KMT2E: variants seen among roughly 807,000 people sequenced by gnomAD.
KMT2E encodes the protein histone reader KMT2E.
Under a neutral mutation model 184.6 loss-of-function variants are expected in KMT2E, and 30 were observed. The ratio of observed to expected loss-of-function variants is 0.16; its 90% CI spans 0.12 to 0.22. The LOEUF (loss-of-function observed/expected upper bound fraction) is 0.22. Ranked by LOEUF, KMT2E falls within the 10% of genes least tolerant of loss-of-function variation. KMT2E has a pLI of 1.00. For missense variants in KMT2E, 2,023 were observed against 2,237.4 expected (o/e 0.90, Z 1.93); for synonymous variants, 815 against 776.5 (o/e 1.05, Z -0.82).
intron 9 of KMT2E, 113 bp downstream of exon 9, chr7:105,076,194 C>T (rs375375707): frequency 1.4e-6 from 1 of 727,280 alleles, no homozygotes. Context: ...CATGTCTTTG[C>T]CTATTATCTT....
At chr7:105,062,143 G>A in intron 3 of KMT2E, 21 bp from the exon 4 acceptor site, 1 of 1,448,260 alleles carries the variant, frequency 6.9e-7, no homozygotes. Flanking sequence ...AATTCTCTTT[G>A]ATGCAACTTT....
intron 6 of KMT2E, among the ~76,000 whole-genome samples, chr7:105,067,769 G>C (rs1177802037): frequency 6.6e-6 from 1 of 151,930 alleles, no homozygotes; most frequent in East Asian, 1.9e-4. Context: ...CCAGGAGTTC[G>C]AGACCAGCTT....
chr7:105,041,486 C>G (rs577919428), intron 3 of KMT2E, among the ~76,000 whole-genome samples: 215 of 152,326 alleles, frequency 1.4e-3, no homozygotes, highest in African/African-American at 5.0e-3. Context: ...ATTGCAACCT[C>G]TGCCTCCCGG....
At chr7:105,059,995 T>TTG (rs1796743980) in intron 3 of KMT2E, among the ~76,000 whole-genome samples, 1 of 121,398 alleles carries the variant, frequency 8.2e-6, no homozygotes, top group South Asian at 3.2e-4. Flanking sequence ...TTTTTTTTTT[T>TTG]TTTTTTTTTT....
intron 18 of KMT2E, 38 bp from the exon 19 acceptor site, chr7:105,105,821 A>C (rs1166585249): frequency 6.3e-7 from 1 of 1,595,064 alleles, no homozygotes; most frequent in Non-Finnish European, 8.5e-7. Flanking sequence ...ACAGCTACAA[A>C]GTGATTCCTG....
Position 105,063,512 on chromosome 7 carries a change from T to C in KMT2E, c.348T>C (p.Thr116=). Residue 116 remains threonine (T), a synonymous_variant, in exon 5 of 27, where the codon ACT becomes ACC. Transcript: ENST00000311117. ...CATCTGAGGATGGAAGTTATGGTAC[T>C]GATGTAACCAGGTGCATATGTGGTT... The part of the protein sequence containing the change: ...ISTSEDGSYG[T]DVTRCICGFT... The C allele has an allele frequency of 6.2e-7, 1 of 1,613,710 alleles. No homozygotes were observed. The highest frequency in any genetic ancestry group is 1.3e-5 in the African/African-American group (1 of 75,042).
chr7:105,046,285 A>G (rs957292032), intron 3 of KMT2E, among the ~76,000 whole-genome samples: 1 of 152,190 alleles, frequency 6.6e-6, no homozygotes, highest in Non-Finnish European at 1.5e-5. Flanking sequence ...CACATAAGTC[A>G]TTTAATTTTC....
At chr7:105,076,889 T>A in intron 9 of KMT2E, 74 bp from the exon 10 acceptor site, 1 of 717,960 alleles carries the variant, frequency 1.4e-6, no homozygotes. Context: ...TGTGTGTGTG[T>A]GTGTGTGTGT....
At chr7:105,109,348 T>TTCTC in intron 23 of KMT2E, 120 bp downstream of exon 23, 1 of 986,048 alleles carries the variant, frequency 1.0e-6, no homozygotes, top group Non-Finnish European at 1.5e-6. Flanking sequence ...TTTTAAAAGA[T>TTCTC]TCTCTCTGCT....
At position 105,062,182 on chromosome 7, in the gene KMT2E, T is replaced by C; in HGVS notation, c.90T>C (p.Ala30=). 1.2e-6 allele frequency: 2 copies of C among 1,612,680 alleles called. No individual in the cohort carries two copies. Among genetic ancestry groups the C allele is most frequent in the Non-Finnish European group, 1.7e-6 (2 of 1,178,874 alleles). The change falls in exon 4 of 27, where the codon GCT becomes GCC. Residue 30 remains alanine, a synonymous_variant. Transcript: ENST00000311117. ...AAGSEPESVE[A]SPVVVEKSNS... is the part of the protein sequence containing the mutation. ...CCCCCAGACCAGAATCCGTAGAAGC[T>C]AGCCCTGTGGTAGTTGAGAAATCCA... is the stretch of plus-strand genomic sequence containing the variant.
intron 15 of KMT2E, among the ~76,000 whole-genome samples, chr7:105,095,573 C>CT (rs1415801010): frequency 6.6e-6 from 1 of 152,262 alleles, no homozygotes; most frequent in East Asian, 1.9e-4. Flanking sequence ...ACCTCTACCC[C>CT]TTTTGGCCTT....
intron 2 of KMT2E, chr7:105,039,401 T>C (rs1484816382): frequency 6.6e-6 from 1 of 152,238 alleles, no homozygotes; most frequent in African/African-American, 2.4e-5. Context: ...TTCCTTTCAA[T>C]GTTTGCCTCT....
At chr7:105,098,403 C>T (rs1381424633) in intron 15 of KMT2E, among the ~76,000 whole-genome samples, 1 of 151,662 alleles carries the variant, frequency 6.6e-6, no homozygotes, top group Non-Finnish European at 1.5e-5. Context: ...CCATGTTCCA[C>T]TAATTTTTTT....
At chr7:105,084,325 T>TA (rs1446780602) in intron 13 of KMT2E, among the ~76,000 whole-genome samples, 2 of 152,150 alleles carry the variant, frequency 1.3e-5, no homozygotes, top group Non-Finnish European at 2.9e-5. Context: ...ACATAGGTGT[T>TA]ACTCAAAATT....
intron 3 of KMT2E, among the ~76,000 whole-genome samples, chr7:105,044,816 A>G (rs912314628): frequency 1.3e-5 from 2 of 152,130 alleles, no homozygotes; most frequent in Non-Finnish European, 1.5e-5. Context: ...GGAGAATGCT[A>G]CTTTCAGTCT....
chr7:105,066,694 A>AG lies in KMT2E; in HGVS notation c.417-33_417-32insG, dbSNP rs775125972. ...TCTTAATTTAAGGATGACTTAAATA[A>AG]TATTACATATGTTCTGCTTTTTTTT... On this transcript the variant is annotated intron_variant, in intron 5 of 26. Transcript: ENST00000311117. 5 of 1,509,790 alleles carry AG rather than the reference A, an allele frequency of 3.3e-6. No individual in the cohort carries two copies. In the East Asian group the frequency reaches 1.1e-4, roughly 34 times the overall value. 93.5% of individuals were successfully genotyped at this position (1,509,790 alleles called of 1,614,324 possible).
chr7:105,080,172 C>A (rs911618884), intron 12 of KMT2E, among the ~76,000 whole-genome samples: 1 of 152,086 alleles, frequency 6.6e-6, no homozygotes, highest in African/African-American at 2.4e-5. Flanking sequence ...TTCCTTCTAT[C>A]TTGGAAGCTC....
Position 105,107,734 on chromosome 7 carries a change from T to C in KMT2E, c.3277T>C (p.Leu1093=), listed in dbSNP as rs757102982. 5.0e-6 allele frequency: 8 copies of C among 1,613,958 alleles called. No individual in the cohort carries two copies. The highest frequency in any genetic ancestry group is 3.3e-5 in the Admixed American group (2 of 59,992). Residue 1093 remains leucine, a synonymous_variant, in exon 22 of 27, where the codon TTG becomes CTG. Coordinates refer to ENST00000311117, the MANE Select transcript of KMT2E (RefSeq NM_182931.3). ...GAGGGACCTGACACCCTCGCATCAGTTGGAGGTTGGAGGAGGCTTCCGAAT... is the reference window on the plus strand; with the variant it reads ...GAGGGACCTGACACCCTCGCATCAGCTGGAGGTTGGAGGAGGCTTCCGAAT... The part of the protein sequence containing the change: ...NLRDLTPSHQ[L]EVGGGFRISE...
chr7:105,014,774 A>G (rs943017119), intron 1 of KMT2E, among the ~76,000 whole-genome samples: 1 of 151,940 alleles, frequency 6.6e-6, no homozygotes, highest in Admixed American at 6.6e-5. Context: ...GGTAACTGGC[A>G]GTTAAACCCC....
Sources: gnomAD v4.1 joint callset for allele counts (sites outside exome capture counted in the v4.1 genomes callset) on GRCh38, gnomAD v4.1.1 for gene constraint, MANE v1.5 for transcripts, NCBI Gene and HGNC (gene_info 2026-07-23, HGNC 2026-07-21) for gene names.